Variants in PIP4K2A observed in about 807,000 individuals in gnomAD.
The protein encoded by PIP4K2A is phosphatidylinositol-5-phosphate 4-kinase type 2 alpha, also known as phosphatidylinositol 5-phosphate 4-kinase type-2 alpha.
In PIP4K2A, 14 loss-of-function variants were observed where a neutral mutation model predicts 42.9. That is an observed-to-expected ratio of 0.33 (90% CI 0.22 to 0.51). The LOEUF is 0.51. PIP4K2A is among the 20% of genes least tolerant of loss of function. The pLI, the probability that PIP4K2A is intolerant of heterozygous loss-of-function variation, is 0.97. For synonymous variants in PIP4K2A, 192 were observed against 192.2 expected (o/e 1.00, Z 0.01); for missense variants, 434 against 519.8 (o/e 0.83, Z 1.61).
intron 1 of PIP4K2A, among the ~76,000 whole-genome samples, chr10:22,627,182 A>T (rs996081656): frequency 6.6e-6 from 1 of 152,346 alleles, no homozygotes; most frequent in Admixed American, 6.5e-5. Flanking sequence ...CATTCTCCAT[A>T]TGCTATGAAC....
intron 2 of PIP4K2A, among the ~76,000 whole-genome samples, chr10:22,609,043 T>C (rs916396474): frequency 6.6e-6 from 1 of 152,208 alleles, no homozygotes; most frequent in Non-Finnish European, 1.5e-5. Context: ...TAGCAGTTTG[T>C]ATATGTGTCA....
intron 6 of PIP4K2A, among the ~76,000 whole-genome samples, chr10:22,555,799 T>A (rs1191137287): frequency 3.3e-5 from 5 of 151,620 alleles, no homozygotes; most frequent in Non-Finnish European, 1.5e-5. Flanking sequence ...AATCTAAACC[T>A]GGGGGTCCAA....
Position 22,571,892 on chromosome 10 carries a change from G to A in PIP4K2A, c.639+1419C>T, listed in dbSNP as rs939329297. Among the ~76,000 whole-genome samples the A allele has an allele frequency of 2.0e-5, 3 of 152,160 alleles. 1 individual carries two copies. The highest frequency in any genetic ancestry group is 4.1e-4 in the South Asian group (2 of 4,834). On this transcript the variant is annotated intron_variant, in intron 5 of 9. Transcript: ENST00000376573. Reference sequence around the variant, plus strand: ...TCTCACATTAAGTCAAGACATTACGGAGATTTGCAAAAATGTAAAACAATG... The same window carrying A: ...TCTCACATTAAGTCAAGACATTACGAAGATTTGCAAAAATGTAAAACAATG...
chr10:22,547,842 C>T (rs150114161), intron 7 of PIP4K2A, among the ~76,000 whole-genome samples: 140 of 152,260 alleles, frequency 9.2e-4, no homozygotes, highest in African/African-American at 2.8e-3. Flanking sequence ...ACCTGTGTTA[C>T]GTGCAAAGCT....
At chr10:22,652,870 G>T (rs1039173510) in intron 1 of PIP4K2A, among the ~76,000 whole-genome samples, 15 of 152,170 alleles carry the variant, frequency 9.9e-5, no homozygotes, top group African/African-American at 3.6e-4. Context: ...GAGGCTTGAG[G>T]ATCACTCGAG....
intron 1 of PIP4K2A, among the ~76,000 whole-genome samples, chr10:22,699,028 C>T (rs12241403): frequency 0.057 from 8,638 of 152,072 alleles, 422 homozygotes; most frequent in African/African-American, 0.13. Context: ...TGTGAGTATC[C>T]GATGCCAGAA....
chr10:22,626,970 G>A (rs1048823253), intron 1 of PIP4K2A, among the ~76,000 whole-genome samples: 1 of 152,044 alleles, frequency 6.6e-6, no homozygotes, highest in Non-Finnish European at 1.5e-5. Context: ...GAACAAAACT[G>A]CTACTAGTTG....
At chr10:22,574,895 T>G (rs1032682737) in intron 4 of PIP4K2A, among the ~76,000 whole-genome samples, 5 of 152,138 alleles carry the variant, frequency 3.3e-5, no homozygotes, top group African/African-American at 1.2e-4. Context: ...AAGGGGTTCT[T>G]GGCCTCTGTA....
chr10:22,703,410 A>G (rs1321686563), intron 1 of PIP4K2A, among the ~76,000 whole-genome samples: 1 of 152,216 alleles, frequency 6.6e-6, no homozygotes, highest in African/African-American at 2.4e-5. Context: ...CCTTGTCTCA[A>G]ATAAAAAAAT....
chr10:22,586,003 A>G (rs1793263700), intron 4 of PIP4K2A, among the ~76,000 whole-genome samples: 1 of 152,232 alleles, frequency 6.6e-6, no homozygotes, highest in East Asian at 1.9e-4. Context: ...AGATAAAAAG[A>G]TATTCAAGTA....
chr10:22,570,163 A>G (rs1836951036), intron 5 of PIP4K2A, among the ~76,000 whole-genome samples: 2 of 152,178 alleles, frequency 1.3e-5, no homozygotes, highest in Non-Finnish European at 2.9e-5. Flanking sequence ...GGCAACCAAG[A>G]TTCATTAACT....
chr10:22,612,683 A>C (rs183631665), intron 1 of PIP4K2A, among the ~76,000 whole-genome samples: 7 of 152,258 alleles, frequency 4.6e-5, no homozygotes, highest in African/African-American at 1.7e-4. Context: ...GACAGACTAG[A>C]AATGTAGGGA....
At chr10:22,654,577 G>C (rs1588688015) in intron 1 of PIP4K2A, among the ~76,000 whole-genome samples, 1 of 152,208 alleles carries the variant, frequency 6.6e-6, no homozygotes. Context: ...AGCTGTCGCT[G>C]AGAAACAATG....
intron 7 of PIP4K2A, among the ~76,000 whole-genome samples, chr10:22,549,911 T>C (rs533280155): frequency 6.6e-5 from 10 of 150,950 alleles, no homozygotes; most frequent in Admixed American, 1.3e-4. Flanking sequence ...CCTTTTTTCC[T>C]GGATTTATAA....
chr10:22,577,077 CAAAAA>C (rs5783800), intron 4 of PIP4K2A, among the ~76,000 whole-genome samples: 6 of 76,486 alleles, frequency 7.8e-5, no homozygotes, highest in Admixed American at 4.3e-4. Flanking sequence ...ACTCCTGTCT[CAAAAA>C]AAAAAAAAAA....
intron 1 of PIP4K2A, among the ~76,000 whole-genome samples, chr10:22,631,972 G>A (rs144064802): frequency 3.3e-5 from 5 of 152,106 alleles, no homozygotes; most frequent in Non-Finnish European, 4.4e-5. Context: ...CTTCTGATAC[G>A]TGCGCTGAGA....
chr10:22,634,125 C>T (rs1159176229), intron 1 of PIP4K2A, among the ~76,000 whole-genome samples: 1 of 152,214 alleles, frequency 6.6e-6, no homozygotes, highest in Non-Finnish European at 1.5e-5. Flanking sequence ...GCTGATATTT[C>T]ACAGAGCAGC....
intron 1 of PIP4K2A, among the ~76,000 whole-genome samples, chr10:22,683,062 A>C (rs1839693513): frequency 8.1e-6 from 1 of 123,462 alleles, no homozygotes; most frequent in East Asian, 2.2e-4. Flanking sequence ...AGAAAAAGAA[A>C]AACAACAACA....
At chr10:22,628,949 T>C (rs1258603873) in intron 1 of PIP4K2A, among the ~76,000 whole-genome samples, 1 of 152,216 alleles carries the variant, frequency 6.6e-6, no homozygotes, top group Non-Finnish European at 1.5e-5. Flanking sequence ...TCTTCCATCA[T>C]GGCCTGAACA....
Sources: allele counts gnomAD v4.1 joint callset (sites outside exome capture counted in the v4.1 genomes callset), GRCh38; gene constraint gnomAD v4.1.1; transcripts MANE v1.5; gene names NCBI Gene and HGNC (gene_info 2026-07-23, HGNC 2026-07-21).